Variants in GALNT10 observed in about 807,000 individuals in gnomAD.
The protein encoded by GALNT10 is GalNAc transferase 10.
GALNT10 carries 41 observed loss-of-function variants against 75.0 expected under a neutral mutation model. The ratio of observed to expected loss-of-function variants is 0.55; its 90% CI spans 0.43 to 0.71. GALNT10 has a LOEUF of 0.71. Among genes scored for constraint, GALNT10 ranks in the 30% least tolerant of loss-of-function variants. The pLI, the probability that GALNT10 is intolerant of heterozygous loss-of-function variation, is 0.00. For missense variants in GALNT10, 727 were observed against 818.5 expected (o/e 0.89, Z 1.36); for synonymous variants, 302 against 313.0 (o/e 0.96, Z 0.37).
rs1754248604 is a variant in GALNT10, at chr5:154,294,819, T to G, written c.163T>G (p.Ser55Ala). ...AAVAPAAGQG[S>A]HSRQKKTFFL... The stretch of plus-strand genomic sequence containing the variant: ...ATAGTTTTTGTCTTTTTTTAAGGGC[T>G]CACACAGTCGACAAAAGAAAACGTT... The change falls in exon 2 of 12, where the codon TCA becomes GCA. Residue 55 changes from serine (S) to alanine (A), a missense_variant. Physicochemically the swap from Ser to Ala is moderately conservative, Grantham distance 99. Coordinates refer to ENST00000297107, the MANE Select transcript of GALNT10 (RefSeq NM_198321.4). The G allele has an allele frequency of 6.4e-7, 1 of 1,559,816 alleles. No individual in the cohort carries two copies. The highest frequency in any genetic ancestry group is 8.8e-7 in the Non-Finnish European group (1 of 1,130,394).
intron 3 of GALNT10, among the ~76,000 whole-genome samples, chr5:154,309,602 A>G (rs1391060271): frequency 6.6e-6 from 1 of 152,116 alleles, no homozygotes; most frequent in East Asian, 1.9e-4. Flanking sequence ...GAAGGTGGAG[A>G]TGGAGGTGCC....
intron 1 of GALNT10, among the ~76,000 whole-genome samples, chr5:154,263,764 C>T (rs1013940099): frequency 2.0e-5 from 3 of 152,130 alleles, no homozygotes; most frequent in Non-Finnish European, 4.4e-5. Context: ...TCCAAGCCCT[C>T]ATGACCCAAT....
intron 1 of GALNT10, among the ~76,000 whole-genome samples, chr5:154,215,406 C>T (rs563143985): frequency 3.3e-5 from 5 of 152,092 alleles, no homozygotes; most frequent in East Asian, 1.9e-4. Context: ...GGCGTGAACC[C>T]GGGAGGTGGA....
At chr5:154,347,090 T>C (rs1207297148) in intron 4 of GALNT10, 1 of 492,912 alleles carries the variant, frequency 2.0e-6, no homozygotes, top group Non-Finnish European at 4.2e-6. Context: ...CAGTAATAAA[T>C]GTCACCATTT....
At chr5:154,373,395 G>A (rs1581997605) in intron 4 of GALNT10, among the ~76,000 whole-genome samples, 2 of 152,326 alleles carry the variant, frequency 1.3e-5, no homozygotes, top group Admixed American at 1.3e-4. Flanking sequence ...GAAGTTTGGT[G>A]CAGTAGCAAG....
intron 1 of GALNT10, among the ~76,000 whole-genome samples, chr5:154,268,742 TTTAAA>T (rs1335399463): frequency 2.6e-5 from 4 of 152,222 alleles, no homozygotes; most frequent in African/African-American, 7.2e-5. Flanking sequence ...TTTAATAAAG[TTTAAA>T]TTATACTCTG....
chr5:154,260,246 C>G (rs1293557912), intron 1 of GALNT10, among the ~76,000 whole-genome samples: 1 of 152,148 alleles, frequency 6.6e-6, no homozygotes, highest in Non-Finnish European at 1.5e-5. Context: ...AAAACCCACC[C>G]TTAGGTGCCT....
At chr5:154,315,132 A>T (rs1754578341) in intron 3 of GALNT10, among the ~76,000 whole-genome samples, 1 of 152,130 alleles carries the variant, frequency 6.6e-6, no homozygotes, top group African/African-American at 2.4e-5. Flanking sequence ...CAATCAAAAA[A>T]AAATAAAAAT....
chr5:154,321,511 G>A (rs1439210056), intron 3 of GALNT10, among the ~76,000 whole-genome samples: 1 of 151,956 alleles, frequency 6.6e-6, no homozygotes, highest in Non-Finnish European at 1.5e-5. Context: ...TATTTTTGTA[G>A]ATGAGGTCTC....
chr5:154,255,111 C>G (rs1753586153), intron 1 of GALNT10, among the ~76,000 whole-genome samples: 1 of 152,190 alleles, frequency 6.6e-6, no homozygotes, highest in East Asian at 1.9e-4. Flanking sequence ...AGTCACCATG[C>G]CCAGCCCCTT....
intron 4 of GALNT10, among the ~76,000 whole-genome samples, chr5:154,330,121 G>A (rs151180962): frequency 8.1e-4 from 123 of 152,364 alleles, no homozygotes; most frequent in Admixed American, 1.2e-3. Context: ...GAACCAGGCT[G>A]TTTCTTTGTT....
At position 154,409,939 on chromosome 5, in the gene GALNT10, T is replaced by C. The variant is rs183578461; in HGVS notation, c.1386+177T>C. ...GTCATGGTGTATTTTTACTTGTTAG[T>C]TAGTGTTCTCAGTGTAGAAAAATTA... On this transcript the variant is annotated intron_variant, in intron 9 of 11. Transcript: ENST00000297107. The surrounding 1 kb of genome is among the most constrained non-coding windows in gnomAD (Gnocchi z 4.5). Among the ~76,000 whole-genome samples the C allele has an allele frequency of 6.6e-6, 1 of 152,362 alleles. No homozygotes were observed. The highest frequency in any genetic ancestry group is 6.5e-5 in the Admixed American group (1 of 15,306).
intron 3 of GALNT10, among the ~76,000 whole-genome samples, chr5:154,303,011 A>G (rs1461720664): frequency 1.3e-5 from 2 of 152,194 alleles, no homozygotes; most frequent in African/African-American, 4.8e-5. Context: ...TAGTAATAAT[A>G]TAATAGTGCC....
chr5:154,302,225 C>T, intron 3 of GALNT10, among the ~76,000 whole-genome samples: 1 of 152,238 alleles, frequency 6.6e-6, no homozygotes, highest in East Asian at 1.9e-4. Context: ...TTGGCAACAG[C>T]ATGTCAAGAA....
At chr5:154,365,690 G>A (rs1189345944) in intron 4 of GALNT10, among the ~76,000 whole-genome samples, 4 of 152,096 alleles carry the variant, frequency 2.6e-5, no homozygotes, top group Non-Finnish European at 5.9e-5. Context: ...AGACATTCCT[G>A]CTCTCCAAAG....
intron 1 of GALNT10, 121 bp downstream of exon 1, chr5:154,191,146 C>G: frequency 1.5e-6 from 1 of 656,240 alleles, no homozygotes; most frequent in Non-Finnish European, 2.2e-6. Flanking sequence ...GACTCTTCAG[C>G]TCTTCCCATT....
chr5:154,359,741 T>C (rs992367276), intron 4 of GALNT10, among the ~76,000 whole-genome samples: 64 of 151,614 alleles, frequency 4.2e-4, no homozygotes, highest in African/African-American at 1.4e-3. Flanking sequence ...GAGGCCTGTC[T>C]AGTTTGTGTT....
intron 2 of GALNT10, among the ~76,000 whole-genome samples, chr5:154,297,591 G>A (rs756232674): frequency 2.6e-5 from 4 of 152,156 alleles, no homozygotes; most frequent in South Asian, 2.1e-4. Context: ...ACTGGTCTGC[G>A]AGGGCAGGGG....
At position 154,416,020 on chromosome 5, in the gene GALNT10, A is replaced by G. The variant is rs1401624966; in HGVS notation, c.1653+88A>G. On this transcript the variant is annotated intron_variant, in intron 11 of 11. Transcript: ENST00000297107. The surrounding 1 kb of genome is among the most constrained non-coding windows in gnomAD (Gnocchi z 4.5). ...TTCACCCCTTCTTTCAACAGAGCCC[A>G]TCCACTTATTCATTTGTGCCACAAA... is the stretch of plus-strand genomic sequence containing the variant. The G allele has an allele frequency of 9.8e-6, 12 of 1,229,264 alleles. No individual in the cohort carries two copies. The highest frequency in any genetic ancestry group is 1.4e-5 in the Non-Finnish European group (12 of 869,710). The allele number at this position is 1,229,264 out of a possible 1,614,324, so 76.1% of individuals were successfully genotyped here. A position where few individuals can be genotyped will look rare whatever the true frequency, so the allele number is the denominator to read the frequency against.
Sources: gnomAD v4.1 joint callset for allele counts (sites outside exome capture counted in the v4.1 genomes callset) on GRCh38, gnomAD v4.1.1 for gene constraint, Gnocchi (gnomAD v3.1) non-coding constraint, MANE v1.5 for transcripts, NCBI Gene and HGNC (gene_info 2026-07-23, HGNC 2026-07-21) for gene names.